ROS1: variants seen among roughly 807,000 people sequenced by gnomAD.
The protein encoded by ROS1 is proto-oncogene tyrosine-protein kinase ROS.
In ROS1, 263 loss-of-function variants were observed where a neutral mutation model predicts 273.5. The ratio of observed to expected loss-of-function variants is 0.96; its 90% CI spans 0.87 to 1.06. ROS1 has a LOEUF of 1.06. Among genes scored for constraint, ROS1 ranks in the 50% least tolerant of loss-of-function variants. The pLI is 0.00. For synonymous variants in ROS1, 1,008 were observed against 954.1 expected, an observed-to-expected ratio of 1.06 and a Z score of -1.04; for missense variants, 2,833 against 2,751.1, an observed-to-expected ratio of 1.03 and a Z score of -0.67.
In ROS1 at chr6:117,341,637, A is replaced by G. The variant is rs1333379027; in HGVS notation, c.4652-5T>C. The G allele has an allele frequency of 6.3e-7, 1 of 1,598,760 alleles. No homozygotes were observed. Among genetic ancestry groups the G allele is most frequent in the Non-Finnish European group, 8.6e-7 (1 of 1,166,546 alleles). ...TGAGCTGCACTGCCTCTGGTACTGA[A>G]ATAAATAGCAAGGAATGATAAAGGA... On this transcript the variant is annotated splice_region_variant and splice_polypyrimidine_tract_variant and intron_variant, in intron 29 of 43. Transcript: ENST00000368507.
At chr6:117,295,845 G>A (rs1348109098) in intron 43 of ROS1, among the ~76,000 whole-genome samples, 1 of 152,166 alleles carries the variant, frequency 6.6e-6, no homozygotes, top group Non-Finnish European at 1.5e-5. Flanking sequence ...CAAGACAAAT[G>A]CTAGCAAGGA....
chr6:117,328,158 G>A (rs1776783201), intron 33 of ROS1, among the ~76,000 whole-genome samples: 1 of 152,158 alleles, frequency 6.6e-6, no homozygotes, highest in Admixed American at 6.5e-5. Flanking sequence ...TACCCCATCA[G>A]TGAGTACACA....
At chr6:117,365,260 A>T (rs1780122445) in intron 20 of ROS1, 56 bp from the exon 21 acceptor site, 2 of 1,473,326 alleles carry the variant, frequency 1.4e-6, no homozygotes, top group Admixed American at 4.5e-5. Context: ...AAAATCTTTC[A>T]TTCCTTATTA....
chr6:117,377,320 A>C (rs531220421), intron 18 of ROS1, among the ~76,000 whole-genome samples: 1 of 152,134 alleles, frequency 6.6e-6, no homozygotes, highest in Non-Finnish European at 1.5e-5. Context: ...CACGTTGGTC[A>C]GGCTGGTCTC....
At position 117,320,045 on chromosome 6, in the gene ROS1, C is replaced by G. The variant is rs767070513; in HGVS notation, c.5760-15G>C. The G allele has an allele frequency of 6.2e-7, 1 of 1,611,572 alleles. No individual in the cohort carries two copies. Among genetic ancestry groups the G allele is most frequent in the Admixed American group, 1.7e-5 (1 of 59,768 alleles). ...TTGGAAGAGTACTGTAAAATAGCAA[C>G]ATTTTTGTCTCCCCACCCTCCACAT... On this transcript the variant is annotated splice_polypyrimidine_tract_variant and intron_variant, in intron 36 of 43. Coordinates refer to ENST00000368507, the MANE Select transcript of ROS1 (RefSeq NM_001378902.1).
chr6:117,421,754 T>C (rs117793131), intron 1 of ROS1, among the ~76,000 whole-genome samples: 5,349 of 152,324 alleles, frequency 0.035, 144 homozygotes, highest in Non-Finnish European at 0.054. Context: ...ATTTTTTCTT[T>C]AAAAACATTA....
Position 117,418,514 on chromosome 6 carries a change from G to A in ROS1, c.124-8C>T, listed in dbSNP as rs367871240. On this transcript the variant is annotated splice_region_variant and splice_polypyrimidine_tract_variant and intron_variant, in intron 1 of 43. Transcript: ENST00000368507. ...AAGGTCAAGCTGCTGGCCCTGAAAT[G>A]AAGAAGGAGGTAGTAAACACCAGCC... 7.2e-5 allele frequency: 115 copies of A among 1,597,300 alleles called. No individual in the cohort carries two copies. The highest frequency in any genetic ancestry group is 9.0e-5 in the Admixed American group (5 of 55,652).
chr6:117,370,374 T>G (rs1447824584), intron 18 of ROS1, among the ~76,000 whole-genome samples: 1 of 152,090 alleles, frequency 6.6e-6, no homozygotes, highest in Non-Finnish European at 1.5e-5. Flanking sequence ...TTTAATCACT[T>G]CCTGACCATT....
intron 43 of ROS1, among the ~76,000 whole-genome samples, chr6:117,300,173 G>A (rs1351577182): frequency 1.5e-5 from 2 of 131,896 alleles, no homozygotes; most frequent in Non-Finnish European, 3.1e-5. Flanking sequence ...GGATGCTCTT[G>A]ATCTCCTGAC....
At chr6:117,363,263 T>C (rs896570927) in intron 21 of ROS1, among the ~76,000 whole-genome samples, 2 of 152,170 alleles carry the variant, frequency 1.3e-5, no homozygotes, top group African/African-American at 2.4e-5. Context: ...TGGATGGCAG[T>C]AAGTCCCACC....
rs990652152 is a variant in ROS1 at position 117,356,639 on chromosome 6, A to G, written c.4116T>C (p.Pro1372=). Residue 1372 remains proline (P), a synonymous_variant, in exon 26 of 44, where the codon CCT becomes CCC. Transcript: ENST00000368507. ...GCQCWRVITV[P]AMLGKTLVSL... ...ACATCAGCATCTTACCGAGCATAGC[A>G]GGTACTGTGATAACTCTCCAACACT... 6.2e-7 allele frequency: 1 copy of G among 1,612,476 alleles called. No homozygotes were observed. The highest frequency in any genetic ancestry group is 8.5e-7 in the Non-Finnish European group (1 of 1,178,736).
chr6:117,349,116 C>A (rs1457834956), intron 27 of ROS1, among the ~76,000 whole-genome samples: 3 of 151,966 alleles, frequency 2.0e-5, no homozygotes, highest in Non-Finnish European at 4.4e-5. Flanking sequence ...TTATTGAGTT[C>A]ATCAGTATAT....
chr6:117,300,885 C>A, intron 43 of ROS1, 89 bp downstream of exon 43: 2 of 1,032,108 alleles, frequency 1.9e-6, no homozygotes, highest in Non-Finnish European at 1.3e-6. Flanking sequence ...TTTTGCCTAC[C>A]CCAAAATGCT....
At chr6:117,351,351 A>G (rs942262069) in intron 27 of ROS1, among the ~76,000 whole-genome samples, 59 of 152,190 alleles carry the variant, frequency 3.9e-4, no homozygotes, top group Middle Eastern at 3.4e-3. Context: ...TGATTAGTGT[A>G]TCTTGAATGC....
intron 5 of ROS1, among the ~76,000 whole-genome samples, chr6:117,406,484 G>A (rs576549857): frequency 1.3e-5 from 2 of 151,878 alleles, no homozygotes; most frequent in Middle Eastern, 6.8e-3. Flanking sequence ...ATTTGTTAGT[G>A]GTACATAGAC....
chr6:117,357,745 C>T (rs1043073201), intron 25 of ROS1, 59 bp downstream of exon 25: 3 of 1,168,474 alleles, frequency 2.6e-6, no homozygotes, highest in Non-Finnish European at 3.7e-6. Flanking sequence ...AAAGACATTA[C>T]ATTAAATATG....
In ROS1 at chr6:117,389,565, T is replaced by C. The variant is rs201527593; in HGVS notation, c.1571A>G (p.Lys524Arg). The change falls in exon 13 of 44, where the codon AAG becomes AGG. Residue 524 changes from lysine to arginine, a missense_variant. Physicochemically the swap from Lys to Arg is conservative, Grantham distance 26 (BLOSUM62 2). Transcript: ENST00000368507. Reference protein sequence around the residue: ...ENNDFLVTDGKVIFQQDALSF... With the variant: ...ENNDFLVTDGRVIFQQDALSF... ...CAAAGCATCCTGTTGGAAAATGACC[T>C]TGCCATCTGTGACAAGAAAGTCATT... The C allele has an allele frequency of 1.2e-6, 2 of 1,614,204 alleles. No homozygotes were observed. The highest frequency in any genetic ancestry group is 1.7e-6 in the Non-Finnish European group (2 of 1,180,036).
At position 117,356,868 on chromosome 6, in the gene ROS1, T is replaced by C. The variant is rs1453485026; in HGVS notation, c.3887A>G (p.Tyr1296Cys). 8.7e-6 allele frequency: 14 copies of C among 1,613,944 alleles called. No individual in the cohort carries two copies. The highest frequency in any genetic ancestry group is 1.2e-5 in the Non-Finnish European group (14 of 1,179,998). The change falls in exon 26 of 44, where the codon TAC (tyrosine) becomes TGC (cysteine). Residue 1296 changes from tyrosine to cysteine, a missense_variant. Coordinates refer to ENST00000368507, the MANE Select transcript of ROS1 (RefSeq NM_001378902.1). ...CAAGGTGTGACTGATAATACTGTAG[T>C]AGAACATCTGGTAGCCAAAATTGGA... The part of the protein sequence containing the change: ...EVSNFGYQMF[Y>C]YSIISHTLHR...
chr6:117,397,230 A>G (rs1220172060), intron 7 of ROS1, 114 bp from the exon 8 acceptor site: 1 of 683,578 alleles, frequency 1.5e-6, no homozygotes, highest in African/African-American at 1.8e-5. Context: ...GAAACGAAAT[A>G]ATTTTATTAA....
Sources: gnomAD v4.1 joint callset for allele counts (sites outside exome capture counted in the v4.1 genomes callset) on GRCh38, gnomAD v4.1.1 for gene constraint, MANE v1.5 for transcripts, NCBI Gene and HGNC (gene_info 2026-07-23, HGNC 2026-07-21) for gene names.